DOCK1: variants seen among roughly 807,000 people sequenced by gnomAD.
The protein encoded by DOCK1 is dedicator of cytokinesis protein 1.
In DOCK1, 138 loss-of-function variants were observed where a neutral mutation model predicts 262.7. That is an observed-to-expected ratio of 0.53 (90% CI 0.46 to 0.61). DOCK1 has a LOEUF of 0.61. Among genes scored for constraint, DOCK1 ranks in the 20% least tolerant of loss-of-function variants. DOCK1 has a pLI of 0.00. For synonymous variants in DOCK1, 866 were observed against 867.4 expected (o/e 1.00, Z 0.03); for missense variants, 1,908 against 2,370.7 (o/e 0.80, Z 4.05).
Position 127,052,718 on chromosome 10 carries a change from G to A in DOCK1, c.2239G>A (p.Ala747Thr), listed in dbSNP as rs777443663. The A allele has an allele frequency of 3.1e-6, 5 of 1,613,978 alleles. No homozygotes were observed. The highest frequency in any genetic ancestry group is 4.2e-6 in the Non-Finnish European group (5 of 1,179,886). Reference sequence around the variant, plus strand: ...AGTGTTGAAGAACTACGTGGACGGTGCTGAGAAGCCGGGAGTAAATGAGCA... The same window carrying A: ...AGTGTTGAAGAACTACGTGGACGGTACTGAGAAGCCGGGAGTAAATGAGCA... ...TKVLKNYVDG[A>T]EKPGVNEQLY... is the part of the protein sequence containing the mutation. The change falls in exon 22 of 52, where the codon GCT becomes ACT. Residue 747 changes from alanine to threonine, a missense_variant. Ala to Thr is a moderately conservative substitution (Grantham distance 58, BLOSUM62 0). Coordinates refer to ENST00000623213, the MANE Select transcript of DOCK1 (RefSeq NM_001290223.2).
chr10:126,929,524 C>A (rs979603521), intron 1 of DOCK1, among the ~76,000 whole-genome samples: 1 of 151,958 alleles, frequency 6.6e-6, no homozygotes, highest in Non-Finnish European at 1.5e-5. Flanking sequence ...AGGCTCCTGG[C>A]GAGCCTTGGA....
At chr10:127,009,874 C>G (rs926748584) in intron 11 of DOCK1, among the ~76,000 whole-genome samples, 2 of 152,082 alleles carry the variant, frequency 1.3e-5, no homozygotes, top group African/African-American at 2.4e-5. Context: ...TCAACCCCAC[C>G]CGACTCCTCT....
chr10:126,928,051 G>A (rs1429050604), intron 1 of DOCK1, among the ~76,000 whole-genome samples: 13 of 152,352 alleles, frequency 8.5e-5, no homozygotes, highest in African/African-American at 3.1e-4. Context: ...ATACTCAGGG[G>A]AAGAGGGGCT....
chr10:126,958,155 G>A (rs1391187456), intron 1 of DOCK1, among the ~76,000 whole-genome samples: 1 of 152,152 alleles, frequency 6.6e-6, no homozygotes, highest in Non-Finnish European at 1.5e-5. Flanking sequence ...AAGTCACTGA[G>A]CTGATCACCT....
chr10:127,443,115 T>C (rs11018097), intron 49 of DOCK1, among the ~76,000 whole-genome samples: 49,314 of 151,920 alleles, frequency 0.32, 8,340 homozygotes, highest in East Asian at 0.44. Flanking sequence ...CCATCTCTGG[T>C]GTTTCTTGGC....
Position 127,096,582 on chromosome 10 carries a change from A to G in DOCK1, c.2446-9649A>G, listed in dbSNP as rs2047924450. 2.6e-5 allele frequency among the ~76,000 whole-genome samples: 4 copies of G among 152,136 alleles called. No homozygotes were observed. In the East Asian group the frequency reaches 5.8e-4, roughly 22 times the overall value. ...AACTCTTCTAATCTTATATAAAGAT[A>G]TGCTAATGGATTTAATTAAAATAAT... is the stretch of plus-strand genomic sequence containing the variant. On this transcript the variant is annotated intron_variant, in intron 23 of 51. Coordinates refer to ENST00000623213, the MANE Select transcript of DOCK1 (RefSeq NM_001290223.2).
chr10:127,389,477 C>T (rs150818466), intron 38 of DOCK1, among the ~76,000 whole-genome samples: 1 of 152,208 alleles, frequency 6.6e-6, no homozygotes, highest in African/African-American at 2.4e-5. Context: ...TTAAATGGTC[C>T]ACAGGTCATC....
At chr10:127,009,883 C>G (rs1167201273) in intron 11 of DOCK1, among the ~76,000 whole-genome samples, 2 of 152,140 alleles carry the variant, frequency 1.3e-5, no homozygotes, top group East Asian at 1.9e-4. Context: ...CCCGACTCCT[C>G]TGGGTCTTGA....
intron 25 of DOCK1, among the ~76,000 whole-genome samples, chr10:127,112,913 A>G (rs1821976029): frequency 6.6e-6 from 1 of 152,158 alleles, no homozygotes; most frequent in Admixed American, 6.5e-5. Flanking sequence ...TCTTAAAACA[A>G]CCTGTTTTTC....
In DOCK1 at chr10:126,987,542, G is replaced by A. The variant is rs201302163; in HGVS notation, c.249G>A (p.Pro83=). Residue 83 remains proline (P), a synonymous_variant, in exon 5 of 52, where the codon CCG becomes CCA. Transcript: ENST00000623213. ...CCAGGCAACATGAAACAGTCATCCC[G>A]GGTGACCTCCCCCTCATCCAGGAAG... ...EGKGQHETVI[P]GDLPLIQEVT... 1.0e-3 allele frequency: 1,635 copies of A among 1,580,114 alleles called. 22 individuals carry two copies. The South Asian group carries it at 0.013, about 13-fold the overall frequency.
intron 42 of DOCK1, 58 bp from the exon 43 acceptor site, chr10:127,410,782 A>G: frequency 6.5e-7 from 1 of 1,549,226 alleles, no homozygotes; most frequent in Non-Finnish European, 8.8e-7. Flanking sequence ...CCCGTGTCCA[A>G]AAGCAAATTG....
intron 23 of DOCK1, among the ~76,000 whole-genome samples, chr10:127,085,292 A>G (rs2047129712): frequency 6.6e-6 from 1 of 152,214 alleles, no homozygotes; most frequent in African/African-American, 2.4e-5. Flanking sequence ...GTGCCAGGCA[A>G]TATTCTAGGC....
chr10:127,328,861 G>A (rs1432675167), intron 29 of DOCK1, among the ~76,000 whole-genome samples: 1 of 151,956 alleles, frequency 6.6e-6, no homozygotes, highest in Non-Finnish European at 1.5e-5. Flanking sequence ...GAAAAATTAT[G>A]AGTCCCATGC....
intron 1 of DOCK1, among the ~76,000 whole-genome samples, chr10:126,905,868 G>A (rs2030672604): frequency 6.6e-6 from 1 of 151,974 alleles, no homozygotes; most frequent in Non-Finnish European, 1.5e-5. Context: ...GACCTCTGCC[G>A]TGGAGCCCCC....
intron 10 of DOCK1, among the ~76,000 whole-genome samples, chr10:127,007,012 G>A (rs1270904986): frequency 3.9e-5 from 6 of 152,186 alleles, no homozygotes; most frequent in East Asian, 1.9e-4. Context: ...GCAGTCAGTC[G>A]CGTGTGGGTC....
intron 29 of DOCK1, among the ~76,000 whole-genome samples, chr10:127,308,886 G>A (rs148464435): frequency 0.012 from 1,831 of 152,130 alleles, 36 homozygotes; most frequent in African/African-American, 0.042. Flanking sequence ...AAATAGTGTC[G>A]CAATAAACAT....
Position 127,020,052 on chromosome 10 carries a change from C to T in DOCK1, c.1327+1217C>T, listed in dbSNP as rs374844659. Among the ~76,000 whole-genome samples, 8 of 152,278 alleles carry T rather than the reference C, an allele frequency of 5.3e-5. No homozygotes were observed. The South Asian group carries it at 6.2e-4, about 12-fold the overall frequency. On this transcript the variant is annotated intron_variant, in intron 13 of 51. Transcript: ENST00000623213. ...GGGCTGTTGTGGGTCATTGAATAGT[C>T]GGTCTGGTAAATCCATATGAAAGAC...
At chr10:127,322,302 G>A (rs549894388) in intron 29 of DOCK1, among the ~76,000 whole-genome samples, 7 of 147,842 alleles carry the variant, frequency 4.7e-5, no homozygotes, top group Middle Eastern at 3.5e-3. Flanking sequence ...TGATCCTCCC[G>A]CCTTAGCCTC....
chr10:127,450,864 G>A (rs1325421293), intron 51 of DOCK1, among the ~76,000 whole-genome samples: 2 of 152,176 alleles, frequency 1.3e-5, no homozygotes, highest in Non-Finnish European at 2.9e-5. Flanking sequence ...TTGAGTGGCT[G>A]CAACAGAGAC....
Sources: gnomAD v4.1 joint callset for allele counts (sites outside exome capture counted in the v4.1 genomes callset) on GRCh38, gnomAD v4.1.1 for gene constraint, MANE v1.5 for transcripts, NCBI Gene and HGNC (gene_info 2026-07-23, HGNC 2026-07-21) for gene names.